NFXL1: variants seen among roughly 807,000 people sequenced by gnomAD.
NFXL1 encodes NF-X1-type zinc finger protein NFXL1.
A neutral mutation model predicts 123.3 loss-of-function variants in NFXL1; 66 were observed. That is an observed-to-expected ratio of 0.54 (90% CI 0.44 to 0.66). The LOEUF is 0.66. Among genes scored for constraint, NFXL1 ranks in the 30% least tolerant of loss-of-function variants. The pLI is 0.00. For missense variants in NFXL1, 944 were observed against 1,125.6 expected (o/e 0.84, Z 2.31); for synonymous variants, 346 against 360.8 (o/e 0.96, Z 0.46).
chr4:47,889,814 C>A (rs1736659513), intron 12 of NFXL1, among the ~76,000 whole-genome samples: 2 of 152,234 alleles, frequency 1.3e-5, no homozygotes, highest in East Asian at 3.9e-4. Context: ...TCTTGAGACC[C>A]TTTCAGGAGG....
intron 19 of NFXL1, among the ~76,000 whole-genome samples, chr4:47,857,804 G>A (rs754015214): frequency 1.3e-5 from 2 of 152,100 alleles, no homozygotes; most frequent in Non-Finnish European, 1.5e-5. Flanking sequence ...AGTCTATTAG[G>A]TTTTCTCTCT....
intron 5 of NFXL1, among the ~76,000 whole-genome samples, chr4:47,901,253 C>G (rs890203741): frequency 2.0e-5 from 3 of 152,070 alleles, no homozygotes; most frequent in Admixed American, 6.5e-5. Context: ...CTAGCTCCAT[C>G]TTGATGAGGA....
At chr4:47,848,429 A>T in intron 22 of NFXL1, 93 bp from the exon 23 acceptor site, 1 of 928,568 alleles carries the variant, frequency 1.1e-6, no homozygotes, top group Non-Finnish European at 1.6e-6. Context: ...GTAATGTTTT[A>T]ATAGTAATGA....
intron 4 of NFXL1, 64 bp downstream of exon 4, chr4:47,905,173 T>C: frequency 1.6e-6 from 1 of 642,736 alleles, no homozygotes; most frequent in Non-Finnish European, 2.8e-6. Flanking sequence ...AATCGTTAAG[T>C]ATTGTAAGGC....
chr4:47,857,667 G>C (rs1734490709), intron 19 of NFXL1, among the ~76,000 whole-genome samples: 1 of 152,082 alleles, frequency 6.6e-6, no homozygotes, highest in African/African-American at 2.4e-5. Context: ...ATTTGTAGAA[G>C]ACATACATTG....
chr4:47,871,558 G>C (rs73244434), intron 18 of NFXL1, among the ~76,000 whole-genome samples: 8,963 of 152,152 alleles, frequency 0.059, 310 homozygotes, highest in South Asian at 0.089. Flanking sequence ...ATTTACAACA[G>C]AATCATCAAT....
intron 12 of NFXL1, among the ~76,000 whole-genome samples, chr4:47,889,569 C>G (rs978397375): frequency 6.6e-6 from 1 of 152,166 alleles, no homozygotes; most frequent in African/African-American, 2.4e-5. Context: ...GGGAGATCAA[C>G]TGAGAAACAG....
At chr4:47,902,025 T>C (rs1737374690) in intron 5 of NFXL1, among the ~76,000 whole-genome samples, 1 of 151,860 alleles carries the variant, frequency 6.6e-6, no homozygotes, top group African/African-American at 2.4e-5. Context: ...CTACTAAAAA[T>C]ACAAAACTTA....
At chr4:47,913,838 G>C in intron 2 of NFXL1, 131 bp downstream of exon 2, 1 of 582,128 alleles carries the variant, frequency 1.7e-6, no homozygotes, top group Non-Finnish European at 2.9e-6. Context: ...GGCTGGAGAA[G>C]TGGGCCCGAT....
intron 18 of NFXL1, among the ~76,000 whole-genome samples, chr4:47,869,633 A>C (rs1263633499): frequency 2.0e-5 from 3 of 152,206 alleles, no homozygotes; most frequent in Non-Finnish European, 4.4e-5. Flanking sequence ...CTTTAAGCAC[A>C]TCTATGATAA....
intron 19 of NFXL1, among the ~76,000 whole-genome samples, chr4:47,861,917 C>A (rs759761988): frequency 5.9e-5 from 9 of 152,160 alleles, no homozygotes; most frequent in Non-Finnish European, 1.0e-4. Context: ...ATATTTAACA[C>A]TTAGTTGTCA....
In NFXL1 at chr4:47,906,038, G is replaced by C. The variant is rs565908513; in HGVS notation, c.407-692C>G. ...TCATTTTACAGATGAGAAAACTGAG[G>C]CACAAAAGAATTAACTTCAGTTTGC... On this transcript the variant is annotated intron_variant, in intron 3 of 22. Coordinates refer to ENST00000507489, the MANE Select transcript of NFXL1 (RefSeq NM_001278624.2). 2.0e-5 allele frequency among the ~76,000 whole-genome samples: 3 copies of C among 152,184 alleles called. No homozygotes were observed. The East Asian group carries it at 5.8e-4, about 29-fold the overall frequency.
intron 12 of NFXL1, among the ~76,000 whole-genome samples, chr4:47,889,630 T>A (rs1560597014): frequency 6.6e-6 from 1 of 152,198 alleles, no homozygotes. Flanking sequence ...AGTCTAGGCT[T>A]AAATCCAGGA....
intron 18 of NFXL1, among the ~76,000 whole-genome samples, chr4:47,872,108 T>C (rs1039943287): frequency 3.9e-5 from 6 of 152,208 alleles, no homozygotes; most frequent in African/African-American, 4.8e-5. Flanking sequence ...CCTAGTGTGA[T>C]AGGTGCTATA....
intron 5 of NFXL1, among the ~76,000 whole-genome samples, chr4:47,900,028 G>A (rs1737294119): frequency 6.6e-6 from 1 of 152,128 alleles, no homozygotes; most frequent in Non-Finnish European, 1.5e-5. Context: ...AACTTTTTAA[G>A]TTTTGTTTTG....
intron 18 of NFXL1, among the ~76,000 whole-genome samples, chr4:47,868,688 A>G (rs961923492): frequency 1.3e-5 from 2 of 152,210 alleles, no homozygotes; most frequent in African/African-American, 2.4e-5. Context: ...AGTAATCATA[A>G]AGTAATAATT....
At chr4:47,864,181 A>C (rs889708299) in intron 18 of NFXL1, among the ~76,000 whole-genome samples, 1 of 152,210 alleles carries the variant, frequency 6.6e-6, no homozygotes, top group Admixed American at 6.5e-5. Context: ...ATATTATTTT[A>C]TTCCTGTTAC....
intron 3 of NFXL1, 90 bp from the exon 4 acceptor site, chr4:47,905,436 C>G: frequency 5.0e-6 from 3 of 605,000 alleles, no homozygotes; most frequent in Non-Finnish European, 8.9e-6. Context: ...TAAGAACTGT[C>G]TAGCAATATC....
At chr4:47,890,590 T>C in intron 12 of NFXL1, 23 bp downstream of exon 12, 1 of 1,271,846 alleles carries the variant, frequency 7.9e-7, no homozygotes, top group Non-Finnish European at 1.1e-6. Context: ...AAACATAAAA[T>C]CATAGCTATT....
Sources: allele counts gnomAD v4.1 joint callset (sites outside exome capture counted in the v4.1 genomes callset), GRCh38; gene constraint gnomAD v4.1.1; transcripts MANE v1.5; gene names NCBI Gene and HGNC (gene_info 2026-07-23, HGNC 2026-07-21).